ACSL4: variants seen among roughly 807,000 people sequenced by gnomAD.
The protein encoded by ACSL4 is acyl-CoA synthetase long chain family member 4, also known as long-chain-fatty-acid--CoA ligase 4.
A neutral mutation model predicts 49.1 loss-of-function variants in ACSL4; 9 were observed. The observed-to-expected ratio is 0.18, with a 90% CI of 0.11 to 0.32. ACSL4 has a LOEUF of 0.32. Among genes scored for constraint, ACSL4 ranks in the 10% least tolerant of loss-of-function variants. The probability of loss-of-function intolerance (pLI) is 1.00; values close to 1 mark genes in which losing one functional copy is unlikely to be tolerated. For synonymous variants in ACSL4, 191 were observed against 170.3 expected, an observed-to-expected ratio of 1.12 and a Z score of -0.95; for missense variants, 333 against 493.7, an observed-to-expected ratio of 0.67 and a Z score of 3.08.
At chrX:109,705,634 A>G (rs1926293980) in intron 1 of ACSL4, among the ~76,000 whole-genome samples, 1 of 112,291 alleles carries the variant, frequency 8.9e-6, no homozygotes, top group Non-Finnish European at 1.9e-5. Flanking sequence ...TTAGTGACAA[A>G]TAGAAGCTAT....
intron 15 of ACSL4, among the ~76,000 whole-genome samples, chrX:109,649,041 G>C (rs1323037883): frequency 9.2e-6 from 1 of 108,298 alleles, no homozygotes; most frequent in Non-Finnish European, 1.9e-5. Context: ...CAAACAAATG[G>C]AAGAACATTC....
At chrX:109,678,469 C>A (rs1288081372) in intron 6 of ACSL4, 54 bp from the exon 7 acceptor site, 25 of 1,153,404 alleles carry the variant, frequency 2.2e-5, no homozygotes, top group Non-Finnish European at 3.0e-5. Flanking sequence ...AGTTAAATTA[C>A]TAAAGAATAA....
At chrX:109,732,701 G>A (rs1894289193) in intron 1 of ACSL4, among the ~76,000 whole-genome samples, 1 of 111,725 alleles carries the variant, frequency 9.0e-6, no homozygotes, top group Non-Finnish European at 1.9e-5. Flanking sequence ...CTAGCCCTCA[G>A]TTACAGAGCG....
intron 8 of ACSL4, among the ~76,000 whole-genome samples, chrX:109,674,865 T>C (rs1313566924): frequency 8.9e-6 from 1 of 112,330 alleles, no homozygotes; most frequent in African/African-American, 3.2e-5. Context: ...TGATTAACAA[T>C]AGGCAAAGCC....
chrX:109,671,386 C>T (rs1422479289), intron 9 of ACSL4, among the ~76,000 whole-genome samples: 2 of 111,376 alleles, frequency 1.8e-5, no homozygotes, highest in Non-Finnish European at 3.8e-5. Context: ...CCCCTCCGCC[C>T]GGCCAGCCGC....
chrX:109,647,428 G>C (rs956674055), intron 15 of ACSL4, among the ~76,000 whole-genome samples: 1 of 111,820 alleles, frequency 8.9e-6, no homozygotes, highest in African/African-American at 3.3e-5. Flanking sequence ...TGACTTCTGG[G>C]TACATAACGA....
Position 109,665,430 on chromosome X carries a change from G to A in ACSL4, c.1380C>T (p.Asp460=). The change falls in exon 12 of 16, where the codon GAC becomes GAT. Residue 460 remains aspartate, a synonymous_variant. Transcript: ENST00000672401. ...PLICCEIKLK[D]WQEGGYTIND... is the part of the protein sequence containing the mutation. ...TCATAAAATTCTTACCTTCTTGCCA[G>A]TCTTTTAGCTTAATTTCACAGCAAA... 1.7e-6 allele frequency: 2 copies of A among 1,208,938 alleles called. No homozygotes were observed. The highest frequency in any genetic ancestry group is 4.3e-5 in the Admixed American group (2 of 45,993).
Position 109,644,025 on chromosome X carries a change from C to T in ACSL4, c.*4G>A. 1 of 1,211,220 alleles carries T rather than the reference C, an allele frequency of 8.3e-7. No homozygotes were observed. The stretch of plus-strand genomic sequence containing the variant: ...TGCACAACTGTCAATAAGACAACAA[C>T]ATTTTATTTGCCCCCATACATTCGT... On this transcript the variant is annotated 3_prime_UTR_variant, in exon 16 of 16. Transcript: ENST00000672401.
chrX:109,646,203 C>T (rs1254301897), intron 15 of ACSL4, among the ~76,000 whole-genome samples: 1 of 110,554 alleles, frequency 9.0e-6, no homozygotes, highest in Non-Finnish European at 1.9e-5. Context: ...AAGAGCAACT[C>T]CAAGACACAT....
intron 1 of ACSL4, among the ~76,000 whole-genome samples, chrX:109,710,264 A>G (rs1345680425): frequency 8.9e-6 from 1 of 111,896 alleles, no homozygotes; most frequent in Admixed American, 9.5e-5. Context: ...CATAGAGAAC[A>G]AGGCAAGAAT....
At chrX:109,646,208 A>T (rs1232684081) in intron 15 of ACSL4, among the ~76,000 whole-genome samples, 4 of 111,148 alleles carry the variant, frequency 3.6e-5, no homozygotes, top group Non-Finnish European at 7.6e-5. Context: ...CAACTCCAAG[A>T]CACATAATTG....
intron 1 of ACSL4, among the ~76,000 whole-genome samples, chrX:109,724,650 G>A (rs1489080226): frequency 1.8e-5 from 2 of 110,943 alleles, no homozygotes; most frequent in Admixed American, 1.9e-4. Context: ...GGTGGCTCAC[G>A]CCTGTAGTCT....
intron 1 of ACSL4, among the ~76,000 whole-genome samples, chrX:109,727,013 G>A (rs1285206169): frequency 5.4e-5 from 6 of 110,697 alleles, no homozygotes; most frequent in Admixed American, 9.7e-5. Context: ...TGCAGTGCCC[G>A]GCCATCACTT....
chrX:109,659,542 AAAC>A lies in ACSL4; in HGVS notation c.1698-34_1698-32del. 3.8e-6 allele frequency: 4 copies of A among 1,043,401 alleles called. No homozygotes were observed. In the East Asian group the frequency reaches 1.2e-4, roughly 32 times the overall value. 86.0% of individuals were successfully genotyped at this position (1,043,401 alleles called of 1,213,427 possible). ...AAAACAGAAAATAAAATAGAAATGA[AAAC>A]ATTGAGAAAAGTTATTCATAAACTA... is the stretch of plus-strand genomic sequence containing the variant. On this transcript the variant is annotated intron_variant, in intron 14 of 15. Transcript: ENST00000672401.
intron 1 of ACSL4, among the ~76,000 whole-genome samples, chrX:109,701,384 T>C (rs924201524): frequency 9.2e-6 from 1 of 108,329 alleles, no homozygotes; most frequent in Non-Finnish European, 1.9e-5. Context: ...ACGCCGCTAA[T>C]TTTTGTATTT....
intron 1 of ACSL4, among the ~76,000 whole-genome samples, chrX:109,697,154 G>A (rs1267041857): frequency 1.8e-5 from 2 of 112,718 alleles, no homozygotes. Context: ...GGACAATGCA[G>A]GAGTAAACTA....
intron 2 of ACSL4, among the ~76,000 whole-genome samples, chrX:109,691,547 A>G (rs1331789461): frequency 8.9e-6 from 1 of 112,429 alleles, no homozygotes; most frequent in Non-Finnish European, 1.9e-5. Context: ...CATACCAGAG[A>G]AAGCTCAACT....
intron 1 of ACSL4, among the ~76,000 whole-genome samples, chrX:109,709,963 G>A (rs944616011): frequency 9.0e-6 from 1 of 111,301 alleles, no homozygotes; most frequent in Non-Finnish European, 1.9e-5. Flanking sequence ...AAATTAGCCG[G>A]GCCTGGTGGT....
chrX:109,647,771 C>G (rs1056122019), intron 15 of ACSL4, among the ~76,000 whole-genome samples: 4 of 110,139 alleles, frequency 3.6e-5, no homozygotes, highest in Non-Finnish European at 5.7e-5. Flanking sequence ...ATTGATAGAC[C>G]GCTAGCAAGA....
Sources: allele counts gnomAD v4.1 joint callset (sites outside exome capture counted in the v4.1 genomes callset), GRCh38; gene constraint gnomAD v4.1.1; transcripts MANE v1.5; gene names NCBI Gene and HGNC (gene_info 2026-07-23, HGNC 2026-07-21).